The following CA8 variants were observed in gnomAD, a reference collection of about 807,000 sequenced individuals.
The protein encoded by CA8 is carbonic anhydrase-related protein.
A neutral mutation model predicts 41.4 loss-of-function variants in CA8; 22 were observed. The observed-to-expected ratio is 0.53, with a 90% CI of 0.38 to 0.76. The LOEUF (loss-of-function observed/expected upper bound fraction) is 0.76. Ranked by LOEUF, CA8 falls within the 30% of genes least tolerant of loss-of-function variation. The pLI, the probability that CA8 is intolerant of heterozygous loss-of-function variation, is 0.00. For missense variants in CA8, 270 were observed against 352.8 expected, an observed-to-expected ratio of 0.77 and a Z score of 1.88; for synonymous variants, 121 against 130.6, an observed-to-expected ratio of 0.93 and a Z score of 0.50.
intron 3 of CA8, among the ~76,000 whole-genome samples, chr8:60,247,572 A>G (rs1808292542): frequency 6.6e-6 from 1 of 152,196 alleles, no homozygotes; most frequent in South Asian, 2.1e-4. Flanking sequence ...ATGTCCCTGC[A>G]GAGGACATGT....
chr8:60,280,844 G>C (rs1804394830), intron 1 of CA8, among the ~76,000 whole-genome samples: 1 of 152,232 alleles, frequency 6.6e-6, no homozygotes, highest in African/African-American at 2.4e-5. Context: ...GGCGGCGGAA[G>C]AGCGCAGGCG....
chr8:60,208,890 A>G lies in CA8; in HGVS notation c.768T>C (p.His256=), dbSNP rs748203020. ...CTTCCACAAGTTCTGCCCCCTTAAC[A>G]TGTGTCCTCAGCCTTCGAAATTCTT... ...QIEEFRRLRT[H]VKGAELVEGC... The change falls in exon 8 of 9, where the codon CAT becomes CAC. Residue 256 remains histidine (H), a synonymous_variant. Coordinates refer to ENST00000317995, the MANE Select transcript of CA8 (RefSeq NM_004056.6). The G allele has an allele frequency of 2.1e-5, 34 of 1,614,042 alleles. No homozygotes were observed. The Admixed American group carries it at 5.3e-4, about 25-fold the overall frequency.
intron 4 of CA8, among the ~76,000 whole-genome samples, chr8:60,228,744 A>C (rs1171365770): frequency 1.3e-5 from 2 of 152,224 alleles, no homozygotes; most frequent in Admixed American, 6.5e-5. Flanking sequence ...GTCCATTATT[A>C]TTCTTAATCT....
chr8:60,197,486 C>T (rs193283100), intron 8 of CA8, among the ~76,000 whole-genome samples: 2 of 152,180 alleles, frequency 1.3e-5, no homozygotes, highest in East Asian at 3.9e-4. Flanking sequence ...ATCTTCACAA[C>T]CACCCTACGA....
intron 2 of CA8, among the ~76,000 whole-genome samples, chr8:60,274,351 C>T (rs537263394): frequency 1.8e-4 from 28 of 151,986 alleles, no homozygotes; most frequent in African/African-American, 5.1e-4. Flanking sequence ...AAATAATGGG[C>T]GGCGGTAGGG....
At chr8:60,247,418 C>A (rs375312764) in intron 3 of CA8, among the ~76,000 whole-genome samples, 11 of 152,240 alleles carry the variant, frequency 7.2e-5, no homozygotes, top group African/African-American at 2.6e-4. Context: ...CGCTCCACCC[C>A]CAACAGGCCA....
chr8:60,210,272 A>G (rs1806786715), intron 7 of CA8, among the ~76,000 whole-genome samples: 1 of 152,218 alleles, frequency 6.6e-6, no homozygotes, highest in Non-Finnish European at 1.5e-5. Context: ...TCAATCCACC[A>G]AAAGTTCACC....
At chr8:60,193,200 T>C (rs1023947977) in intron 8 of CA8, among the ~76,000 whole-genome samples, 2 of 152,178 alleles carry the variant, frequency 1.3e-5, no homozygotes, top group African/African-American at 4.8e-5. Flanking sequence ...TACGTGCTCA[T>C]AACTGATTCA....
intron 2 of CA8, among the ~76,000 whole-genome samples, chr8:60,278,198 T>C (rs1374193764): frequency 6.6e-6 from 1 of 152,216 alleles, no homozygotes; most frequent in East Asian, 1.9e-4. Context: ...AGAGCAGGAC[T>C]AGGCACACAC....
In CA8 at chr8:60,186,453, C is replaced by T. The variant is rs1805965561; in HGVS notation, c.*3568G>A. ...TTGAAATATACTAGAAAATATTCAC[C>T]TAATTAAAAAAAAAGTAATAGAGGA... On this transcript the variant is annotated 3_prime_UTR_variant, in exon 9 of 9. Coordinates refer to ENST00000317995, the MANE Select transcript of CA8 (RefSeq NM_004056.6). Among the ~76,000 whole-genome samples, 1 of 146,792 alleles carries T rather than the reference C, an allele frequency of 6.8e-6. No homozygotes were observed. Among genetic ancestry groups the T allele is most frequent in the African/African-American group, 2.5e-5 (1 of 39,988 alleles).
intron 3 of CA8, among the ~76,000 whole-genome samples, chr8:60,262,600 C>A (rs1238702267): frequency 6.6e-6 from 1 of 152,198 alleles, no homozygotes; most frequent in East Asian, 1.9e-4. Flanking sequence ...CAAATATAGT[C>A]CCAGCTACTC....
chr8:60,208,840 T>C lies in CA8; in HGVS notation c.818A>G (p.Asn273Ser). ...VEGCDGILGD[N>S]FRPTQPLSDR... ...ACTAAGAGGCTGAGTGGGCCGAAAG[T>C]TGTCTCCCAAAATCCCATCACAGCC... Residue 273 changes from asparagine to serine, a missense_variant, in exon 8 of 9, where the codon AAC (asparagine) becomes AGC (serine). Physicochemically the swap from Asn to Ser is conservative, Grantham distance 46. Transcript: ENST00000317995. 6.2e-7 allele frequency: 1 copy of C among 1,614,148 alleles called. No individual in the cohort carries two copies. Among genetic ancestry groups the C allele is most frequent in the Non-Finnish European group, 8.5e-7 (1 of 1,180,020 alleles).
intron 8 of CA8, among the ~76,000 whole-genome samples, chr8:60,197,437 A>G (rs1806312722): frequency 6.6e-6 from 1 of 152,196 alleles, no homozygotes; most frequent in African/African-American, 2.4e-5. Context: ...TGGACAAAAA[A>G]AAAAATGTTA....
Position 60,206,339 on chromosome 8 carries a change from C to G in CA8, c.*35+2411G>C, listed in dbSNP as rs189234771. On this transcript the variant is annotated intron_variant, in intron 8 of 8. Coordinates refer to ENST00000317995, the MANE Select transcript of CA8 (RefSeq NM_004056.6). Reference sequence around the variant, plus strand: ...ACAAAATCTCATAAACAACATTTCTCTGTGTGTGTGTGTGCGCGTGTGTGT... The same window carrying G: ...ACAAAATCTCATAAACAACATTTCTGTGTGTGTGTGTGTGCGCGTGTGTGT... Among the ~76,000 whole-genome samples, 98 of 151,606 alleles carry G rather than the reference C, an allele frequency of 6.5e-4. 1 individual carries two copies. Among genetic ancestry groups the G allele is most frequent in the African/African-American group, 2.0e-3 (82 of 41,374 alleles).
At chr8:60,273,341 C>T (rs1563384940) in intron 2 of CA8, among the ~76,000 whole-genome samples, 1 of 152,172 alleles carries the variant, frequency 6.6e-6, no homozygotes, top group Non-Finnish European at 1.5e-5. Context: ...TGCTCAAAAG[C>T]AAAATGGGTT....
intron 3 of CA8, among the ~76,000 whole-genome samples, chr8:60,247,996 T>G (rs2130541928): frequency 6.6e-6 from 1 of 152,352 alleles, no homozygotes; most frequent in African/African-American, 2.4e-5. Flanking sequence ...TGCGTTTCTC[T>G]AATGATCAGT....
intron 3 of CA8, among the ~76,000 whole-genome samples, chr8:60,233,557 C>A (rs1807732381): frequency 6.6e-6 from 1 of 152,170 alleles, no homozygotes; most frequent in Admixed American, 6.5e-5. Flanking sequence ...AACTGAAAGG[C>A]ACTGCTTTTA....
chr8:60,232,587 A>G lies in CA8; in HGVS notation c.418-208T>C, dbSNP rs11784742. On this transcript the variant is annotated intron_variant, in intron 3 of 8. Transcript: ENST00000317995. Reference sequence around the variant, plus strand: ...GAACAGAAGCAGTGCTTAGTGGATCACTGCCTCTTAAGTCCAGTTTTAGTC... The same window carrying G: ...GAACAGAAGCAGTGCTTAGTGGATCGCTGCCTCTTAAGTCCAGTTTTAGTC... 546,355 of 599,080 alleles carry G rather than the reference A, an allele frequency of 0.91. 250,387 individuals carry two copies. The highest frequency in any genetic ancestry group is 0.97 in the African/African-American group (52,788 of 54,550). The allele number at this position is 599,080 out of a possible 1,614,324, so 37.1% of individuals were successfully genotyped here.
At chr8:60,277,839 A>G (rs1371126425) in intron 2 of CA8, among the ~76,000 whole-genome samples, 1 of 152,176 alleles carries the variant, frequency 6.6e-6, no homozygotes, top group Admixed American at 6.5e-5. Context: ...AAATATTGGA[A>G]GGGAAAGAAC....
Sources: gnomAD v4.1 joint callset for allele counts (sites outside exome capture counted in the v4.1 genomes callset) on GRCh38, gnomAD v4.1.1 for gene constraint, MANE v1.5 for transcripts, NCBI Gene and HGNC (gene_info 2026-07-23, HGNC 2026-07-21) for gene names.